The following MYL1 variants were observed in gnomAD, a reference collection of about 807,000 sequenced individuals.
The protein encoded by MYL1 is myosin light chain 1/3, skeletal muscle isoform.
MYL1 carries 16 observed loss-of-function variants against 21.8 expected under a neutral mutation model. The observed-to-expected ratio is 0.74, with a 90% CI of 0.50 to 1.12. The LOEUF (loss-of-function observed/expected upper bound fraction) is 1.12, where lower values mean the gene tolerates loss of function less well. MYL1 is among the 50% of genes most tolerant of loss of function. The pLI is 0.00. For synonymous variants in MYL1, 99 were observed against 85.2 expected, an observed-to-expected ratio of 1.16 and a Z score of -0.89; for missense variants, 246 against 241.0, an observed-to-expected ratio of 1.02 and a Z score of -0.14.
At chr2:210,313,225 A>C (rs1248849677) in intron 1 of MYL1, among the ~76,000 whole-genome samples, 1 of 151,940 alleles carries the variant, frequency 6.6e-6, no homozygotes, top group Non-Finnish European at 1.5e-5. Flanking sequence ...TTAGGTAAAG[A>C]GGTACATTTT....
At chr2:210,292,558 T>C (rs1212259667) in intron 5 of MYL1, among the ~76,000 whole-genome samples, 4 of 41,180 alleles carry the variant, frequency 9.7e-5, no homozygotes, top group East Asian at 1.3e-3. Flanking sequence ...ATTAATTGAA[T>C]TTTTTTTTTT....
rs1423720016 is a variant in MYL1 at position 210,290,164 on chromosome 2, A to G, written c.*318T>C. 6.6e-6 allele frequency: 1 copy of G among 152,182 alleles called. No individual in the cohort carries two copies. Among genetic ancestry groups the G allele is most frequent in the African/African-American group, 2.4e-5 (1 of 41,446 alleles). The allele number at this position is 152,182 out of a possible 1,614,324, so 9.4% of individuals were successfully genotyped here. On this transcript the variant is annotated 3_prime_UTR_variant, in exon 7 of 7. Coordinates refer to ENST00000352451, the MANE Select transcript of MYL1 (RefSeq NM_079420.3). The stretch of plus-strand genomic sequence containing the variant: ...TGACTTGAACATTCCAGACTGACCA[A>G]AATTGTTTATTGATTTATTGTTTTA...
intron 1 of MYL1, among the ~76,000 whole-genome samples, chr2:210,310,504 C>G (rs1017156110): frequency 6.6e-6 from 1 of 151,910 alleles, no homozygotes; most frequent in Non-Finnish European, 1.5e-5. Context: ...TTAAACAAAA[C>G]CAAAATTACT....
chr2:210,306,911 A>G (rs1023687633), intron 1 of MYL1, among the ~76,000 whole-genome samples: 2 of 152,088 alleles, frequency 1.3e-5, no homozygotes. Flanking sequence ...CAGTCCTTTG[A>G]ACAAAGGTAA....
chr2:210,311,868 C>A (rs1690424358), intron 1 of MYL1, among the ~76,000 whole-genome samples: 1 of 151,920 alleles, frequency 6.6e-6, no homozygotes. Flanking sequence ...AGGACAATAA[C>A]TTTAGTGTTC....
At position 210,313,181 on chromosome 2, in the gene MYL1, C is replaced by T. The variant is rs116104421; in HGVS notation, c.132+1730G>A. 4.3e-3 allele frequency among the ~76,000 whole-genome samples: 660 copies of T among 151,954 alleles called. 8 individuals are homozygous for T. Among genetic ancestry groups the T allele is most frequent in the African/African-American group, 0.015 (625 of 41,528 alleles). On this transcript the variant is annotated intron_variant, in intron 1 of 6. Transcript: ENST00000352451. The stretch of plus-strand genomic sequence containing the variant: ...AGTTCCTCAGGGAAGAAAATTAATG[C>T]CTGTTTTCATTAGTTAGATACTTCA...
intron 2 of MYL1, among the ~76,000 whole-genome samples, chr2:210,300,521 C>G (rs778738957): frequency 6.6e-6 from 1 of 151,956 alleles, no homozygotes; most frequent in African/African-American, 2.4e-5. Context: ...CAAAGCCTAA[C>G]GTATTTACTA....
chr2:210,298,551 G>T lies in MYL1; in HGVS notation c.173C>A (p.Ala58Glu). ...SKEQQDEFKE[A>E]FLLFDRTGDS... is the part of the protein sequence containing the mutation. ...ACCTGTTCTGTCAAACAGGAGAAAT[G>T]CCTCCTTGAATTCTGCAAAAAGCAA... Residue 58 changes from alanine to glutamate, a missense_variant, in exon 3 of 7, where the codon GCA (alanine) becomes GAA (glutamate). By Grantham distance (107) the Ala-to-Glu change is moderately radical. Coordinates refer to ENST00000352451, the MANE Select transcript of MYL1 (RefSeq NM_079420.3). 1 of 1,613,912 alleles carries T rather than the reference G, an allele frequency of 6.2e-7. No individual in the cohort carries two copies. Among genetic ancestry groups the T allele is most frequent in the South Asian group, 1.1e-5 (1 of 91,076 alleles).
Position 210,293,717 on chromosome 2 carries a change from T to G in MYL1, c.556+6A>C, listed in dbSNP as rs1690120344. The G allele has an allele frequency of 6.2e-7, 1 of 1,613,574 alleles. No homozygotes were observed. Among genetic ancestry groups the G allele is most frequent in the Non-Finnish European group, 8.5e-7 (1 of 1,179,626 alleles). ...TGCTGTAACCACCAGTGAGCATTGA[T>G]TCTACCTTCGTAGTTGATGCAGCCA... On this transcript the variant is annotated splice_donor_region_variant and intron_variant, in intron 5 of 6. Coordinates refer to ENST00000352451, the MANE Select transcript of MYL1 (RefSeq NM_079420.3).
At chr2:210,294,559 C>G in intron 3 of MYL1, 141 bp from the exon 4 acceptor site, 1 of 741,794 alleles carries the variant, frequency 1.3e-6, no homozygotes, top group Non-Finnish European at 2.1e-6. Context: ...GCTAAAATAT[C>G]AAGAATATGG....
chr2:210,294,353 T>C lies in MYL1; in HGVS notation c.370A>G (p.Lys124Glu). ...LPMMQAISNN[K>E]DQATYEDFVE... ...AAGTCTTCATAGGTGGCCTGGTCCT[T>C]GTTGTTGGAAATGGCTTGCATCATA... Residue 124 changes from lysine (K) to glutamate (E), a missense_variant, in exon 4 of 7, where the codon AAG (lysine) becomes GAG (glutamate). Coordinates refer to ENST00000352451, the MANE Select transcript of MYL1 (RefSeq NM_079420.3). 2 of 1,614,010 alleles carry C rather than the reference T, an allele frequency of 1.2e-6. No individual in the cohort carries two copies. Among genetic ancestry groups the C allele is most frequent in the African/African-American group, 1.3e-5 (1 of 75,038 alleles).
chr2:210,291,786 T>A (rs1222511097), intron 5 of MYL1, among the ~76,000 whole-genome samples: 1 of 109,466 alleles, frequency 9.1e-6, no homozygotes, highest in Non-Finnish European at 1.9e-5. Flanking sequence ...GACATTAAAT[T>A]GTTAAAAAAA....
chr2:210,291,752 C>T (rs1690078893), intron 5 of MYL1, among the ~76,000 whole-genome samples: 1 of 151,570 alleles, frequency 6.6e-6, no homozygotes, highest in South Asian at 2.1e-4. Flanking sequence ...CACATTGATA[C>T]ATTGATGAAA....
At chr2:210,312,615 G>A (rs1352239787) in intron 1 of MYL1, among the ~76,000 whole-genome samples, 1 of 151,888 alleles carries the variant, frequency 6.6e-6, no homozygotes, top group Non-Finnish European at 1.5e-5. Context: ...TCATATTAAT[G>A]AATGCAAAGC....
At chr2:210,304,940 C>T (rs1291914389) in intron 1 of MYL1, among the ~76,000 whole-genome samples, 2 of 152,160 alleles carry the variant, frequency 1.3e-5, no homozygotes, top group African/African-American at 4.8e-5. Flanking sequence ...GGAAATGGTA[C>T]TGGGAAAAGT....
chr2:210,306,356 G>A (rs931064400), intron 1 of MYL1, among the ~76,000 whole-genome samples: 2 of 149,734 alleles, frequency 1.3e-5, no homozygotes, highest in Admixed American at 6.7e-5. Flanking sequence ...ACCCCAGCCT[G>A]GGCTACAGAG....
chr2:210,312,255 T>C (rs1457820033), intron 1 of MYL1, among the ~76,000 whole-genome samples: 1 of 151,946 alleles, frequency 6.6e-6, no homozygotes, highest in South Asian at 2.1e-4. Flanking sequence ...TTACTCAAAG[T>C]CTAGAGGACA....
chr2:210,302,827 A>AG, intron 1 of MYL1: 3 of 1,552,316 alleles, frequency 1.9e-6, no homozygotes, highest in South Asian at 1.2e-5. Context: ...AAGAAAAAAA[A>AG]CTAGTACTCT....
intron 2 of MYL1, among the ~76,000 whole-genome samples, chr2:210,299,091 A>T (rs1463007879): frequency 6.6e-6 from 1 of 152,214 alleles, no homozygotes; most frequent in Non-Finnish European, 1.5e-5. Context: ...GGAAAAATTT[A>T]GAAAGGTGAG....
Sources: allele counts gnomAD v4.1 joint callset (sites outside exome capture counted in the v4.1 genomes callset), GRCh38; gene constraint gnomAD v4.1.1; transcripts MANE v1.5; gene names NCBI Gene and HGNC (gene_info 2026-07-23, HGNC 2026-07-21).